LY86: variants seen among roughly 807,000 people sequenced by gnomAD.
The protein encoded by LY86 is MD-1, RP105-associated.
In LY86, 20 loss-of-function variants were observed where a neutral mutation model predicts 17.3. The observed-to-expected ratio is 1.15, with a 90% confidence interval of 0.81 to 1.68. The LOEUF (loss-of-function observed/expected upper bound fraction) is 1.68, where lower values mean the gene tolerates loss of function less well. Among genes scored for constraint, LY86 ranks in the 40% most tolerant of loss-of-function variants. The probability of loss-of-function intolerance (pLI) is 0.00; values close to 1 mark genes in which losing one functional copy is unlikely to be tolerated. For synonymous variants in LY86, 74 were observed against 70.6 expected, an observed-to-expected ratio of 1.05 and a Z score of -0.24; for missense variants, 200 against 191.9, an observed-to-expected ratio of 1.04 and a Z score of -0.25.
intron 3 of LY86, among the ~76,000 whole-genome samples, chr6:6,645,534 T>C (rs1052537724): frequency 2.6e-5 from 4 of 151,902 alleles, no homozygotes; most frequent in Non-Finnish European, 5.9e-5. Flanking sequence ...CCTTCCTAGG[T>C]CAAGGAAGGA....
chr6:6,633,709 CTA>C (rs957043763), intron 3 of LY86, among the ~76,000 whole-genome samples: 9 of 152,174 alleles, frequency 5.9e-5, no homozygotes, highest in Admixed American at 4.6e-4. Flanking sequence ...GGCCAAATTT[CTA>C]TGAGTTCTGA....
At chr6:6,605,030 G>T (rs1049563103) in intron 1 of LY86, among the ~76,000 whole-genome samples, 11 of 132,938 alleles carry the variant, frequency 8.3e-5, no homozygotes, top group African/African-American at 2.8e-4. Flanking sequence ...AAAGACTTTG[G>T]AGAAAAAAAA....
chr6:6,641,520 C>T (rs1379331207), intron 3 of LY86, among the ~76,000 whole-genome samples: 2 of 152,200 alleles, frequency 1.3e-5, no homozygotes, highest in Non-Finnish European at 2.9e-5. Context: ...CCTGTCTTCT[C>T]CCAGAGTGTG....
At position 6,654,670 on chromosome 6, in the gene LY86, G is replaced by A. The variant is rs745441513; in HGVS notation, c.*43G>A. 6.5e-7 allele frequency: 1 copy of A among 1,541,796 alleles called. No homozygotes were observed. Among genetic ancestry groups the A allele is most frequent in the Non-Finnish European group, 9.0e-7 (1 of 1,115,080 alleles). On this transcript the variant is annotated 3_prime_UTR_variant, in exon 5 of 5. Coordinates refer to ENST00000230568, the MANE Select transcript of LY86 (RefSeq NM_004271.4). ...AATCACAGCCAGCTGCATCTCGTGG[G>A]ACCTCCAAGCTCCTCTGACTGAACC...
Position 6,607,711 on chromosome 6 carries a change from C to T in LY86, c.137-17215C>T, listed in dbSNP as rs375979829. On this transcript the variant is annotated intron_variant, in intron 1 of 4. Coordinates refer to ENST00000230568, the MANE Select transcript of LY86 (RefSeq NM_004271.4). ...GGTCAGTTGTTCAAGATCAGCCTGG[C>T]CAACATGGCGAAACCCCGTCTCTAC... 6.9e-4 allele frequency among the ~76,000 whole-genome samples: 105 copies of T among 152,166 alleles called. 4 individuals carry two copies. In the South Asian group the frequency reaches 0.017, roughly 25 times the overall value.
chr6:6,636,682 T>G (rs1362892859), intron 3 of LY86, among the ~76,000 whole-genome samples: 1 of 152,136 alleles, frequency 6.6e-6, no homozygotes, highest in Non-Finnish European at 1.5e-5. Context: ...GAGAGTGTCA[T>G]TTGCATCTCT....
At chr6:6,633,665 A>G (rs771162462) in intron 3 of LY86, among the ~76,000 whole-genome samples, 4 of 152,208 alleles carry the variant, frequency 2.6e-5, no homozygotes, top group Admixed American at 6.5e-5. Flanking sequence ...CACACTTGAT[A>G]ATAAGAGACA....
chr6:6,605,638 T>C (rs939433849), intron 1 of LY86, among the ~76,000 whole-genome samples: 31 of 152,372 alleles, frequency 2.0e-4, no homozygotes, highest in African/African-American at 7.2e-4. Context: ...ATTCCAATGT[T>C]TTCGCTATGT....
chr6:6,603,603 C>CAAAAA (rs1207511602), intron 1 of LY86, among the ~76,000 whole-genome samples: 13 of 70,478 alleles, frequency 1.8e-4, no homozygotes, highest in Non-Finnish European at 3.2e-4. Context: ...AAAACAGAAA[C>CAAAAA]AGAAAAAAAA....
intron 3 of LY86, among the ~76,000 whole-genome samples, chr6:6,631,496 G>GT (rs1458529129): frequency 6.6e-6 from 1 of 152,168 alleles, no homozygotes; most frequent in African/African-American, 2.4e-5. Context: ...ATCATCTTTG[G>GT]GCATAACCAG....
chr6:6,650,667 T>A lies in LY86; in HGVS notation c.405+990T>A, dbSNP rs373216419. 5.9e-5 allele frequency among the ~76,000 whole-genome samples: 9 copies of A among 152,214 alleles called. No homozygotes were observed. In the East Asian group the frequency reaches 1.5e-3, roughly 26 times the overall value. On this transcript the variant is annotated intron_variant, in intron 4 of 4. Transcript: ENST00000230568. ...AAAGGATCACAAAAATGTGATTTTT[T>A]AAAATGCATGCTGATGTATTCAGTA... is the stretch of plus-strand genomic sequence containing the variant.
chr6:6,604,927 G>A (rs1258694069), intron 1 of LY86, among the ~76,000 whole-genome samples: 1 of 150,686 alleles, frequency 6.6e-6, no homozygotes, highest in Non-Finnish European at 1.5e-5. Context: ...TCATAGAAAA[G>A]AGAAAATAAC....
chr6:6,615,042 A>G (rs907950435), intron 1 of LY86, among the ~76,000 whole-genome samples: 2 of 152,224 alleles, frequency 1.3e-5, no homozygotes, highest in Admixed American at 6.5e-5. Flanking sequence ...TAGGACATCT[A>G]TGAAGGGGTT....
In LY86 at chr6:6,613,773, C is replaced by T. The variant is rs546072211; in HGVS notation, c.137-11153C>T. Reference sequence around the variant, plus strand: ...AGGCCGAGGAGGCCCCAAGAGCGAGCGAGGGCTGCCAGCATGCTGTCACCT... The same window carrying T: ...AGGCCGAGGAGGCCCCAAGAGCGAGTGAGGGCTGCCAGCATGCTGTCACCT... On this transcript the variant is annotated intron_variant, in intron 1 of 4. Transcript: ENST00000230568. 2.3e-4 allele frequency among the ~76,000 whole-genome samples: 35 copies of T among 152,352 alleles called. No homozygotes were observed. The East Asian group carries it at 2.3e-3, about 10-fold the overall frequency.
At chr6:6,626,171 C>T in intron 2 of LY86, 122 bp from the exon 3 acceptor site, 2 of 939,336 alleles carry the variant, frequency 2.1e-6, no homozygotes, top group Non-Finnish European at 3.2e-6. Flanking sequence ...AAACTGTTCC[C>T]CACACAGAGA....
At chr6:6,633,824 A>G (rs529117080) in intron 3 of LY86, among the ~76,000 whole-genome samples, 1 of 152,366 alleles carries the variant, frequency 6.6e-6, no homozygotes, top group African/African-American at 2.4e-5. Flanking sequence ...ACTGACTTGC[A>G]GATATCAATT....
chr6:6,640,407 AT>A lies in LY86; in HGVS notation c.353-9217del, dbSNP rs200904207. 1.0e-3 allele frequency among the ~76,000 whole-genome samples: 155 copies of A among 149,554 alleles called. 5 individuals are homozygous for A. Among genetic ancestry groups the A allele is most frequent in the Non-Finnish European group, 1.3e-3 (87 of 67,330 alleles). On this transcript the variant is annotated intron_variant, in intron 3 of 4. Transcript: ENST00000230568. Reference sequence around the variant, plus strand: ...ACCCCATCTCTGGAAAAAAATAAAAATAAAAAAAAAAGGCAGGAGGGGGCAG... The same window carrying A: ...ACCCCATCTCTGGAAAAAAATAAAAAAAAAAAAAAAGGCAGGAGGGGGCAG...
At chr6:6,613,047 TA>T (rs1024283106) in intron 1 of LY86, among the ~76,000 whole-genome samples, 3 of 151,958 alleles carry the variant, frequency 2.0e-5, no homozygotes, top group African/African-American at 7.3e-5. Context: ...TGGCTAGACA[TA>T]AAGCTTCTCC....
intron 3 of LY86, among the ~76,000 whole-genome samples, chr6:6,636,097 G>T (rs752425511): frequency 3.9e-5 from 6 of 152,144 alleles, no homozygotes; most frequent in Non-Finnish European, 8.8e-5. Context: ...ACATCAGGTG[G>T]GGAGTCTGAG....
Sources: allele counts gnomAD v4.1 joint callset (sites outside exome capture counted in the v4.1 genomes callset), GRCh38; gene constraint gnomAD v4.1.1; transcripts MANE v1.5; gene names NCBI Gene and HGNC (gene_info 2026-07-23, HGNC 2026-07-21).